Variants in STMN2 observed in about 807,000 individuals in gnomAD.
STMN2 encodes stathmin 2, also known as stathmin-2.
A neutral mutation model predicts 24.1 loss-of-function variants in STMN2; 2 were observed. The ratio of observed to expected loss-of-function variants is 0.08; its 90% confidence interval spans 0.03 to 0.26. The LOEUF (loss-of-function observed/expected upper bound fraction) is 0.26. Ranked by LOEUF, STMN2 falls within the 10% of genes least tolerant of loss-of-function variation. The pLI is 1.00. For missense variants in STMN2, 114 were observed against 213.6 expected (o/e 0.53, Z 2.91); for synonymous variants, 83 against 77.5 (o/e 1.07, Z -0.37).
intron 3 of STMN2, among the ~76,000 whole-genome samples, chr8:79,654,572 C>T (rs568680247): frequency 7.9e-5 from 12 of 152,246 alleles, no homozygotes; most frequent in African/African-American, 1.9e-4. Context: ...GTTGCATAAA[C>T]GCTTAGCAAC....
chr8:79,655,862 A>T (rs886168373), intron 4 of STMN2, among the ~76,000 whole-genome samples: 1 of 152,154 alleles, frequency 6.6e-6, no homozygotes. Flanking sequence ...TTTGAGAAAG[A>T]CGCCTCAATC....
intron 1 of STMN2, 88 bp downstream of exon 1, chr8:79,611,302 T>A: frequency 6.5e-7 from 1 of 1,546,546 alleles, no homozygotes; most frequent in Non-Finnish European, 8.9e-7. Context: ...TTCAGAGATA[T>A]TTTATAAAGA....
intron 1 of STMN2, among the ~76,000 whole-genome samples, chr8:79,635,987 T>C (rs1430105283): frequency 6.6e-6 from 1 of 151,566 alleles, no homozygotes; most frequent in Non-Finnish European, 1.5e-5. Flanking sequence ...GTGGCCAAGG[T>C]GGGTGGATTG....
At chr8:79,650,164 T>C (rs1340194283) in intron 3 of STMN2, among the ~76,000 whole-genome samples, 1 of 152,246 alleles carries the variant, frequency 6.6e-6, no homozygotes, top group Non-Finnish European at 1.5e-5. Flanking sequence ...TTTTCCCTTT[T>C]AATATTTTAG....
At chr8:79,622,665 A>G (rs959539223) in intron 1 of STMN2, among the ~76,000 whole-genome samples, 2 of 152,168 alleles carry the variant, frequency 1.3e-5, no homozygotes, top group South Asian at 2.1e-4. Flanking sequence ...ATGTTTCCCT[A>G]TCATATTTTA....
At chr8:79,628,225 G>A (rs962683643) in intron 1 of STMN2, among the ~76,000 whole-genome samples, 2 of 151,862 alleles carry the variant, frequency 1.3e-5, no homozygotes, top group African/African-American at 4.8e-5. Context: ...GTACAGTGGT[G>A]CCATCTAGGC....
At chr8:79,639,159 C>T (rs942307091) in intron 2 of STMN2, among the ~76,000 whole-genome samples, 3 of 152,086 alleles carry the variant, frequency 2.0e-5, no homozygotes, top group South Asian at 2.1e-4. Flanking sequence ...AGAACATTAA[C>T]GGGAACATAA....
At chr8:79,616,763 T>C (rs1407374118) in intron 1 of STMN2, among the ~76,000 whole-genome samples, 1 of 152,234 alleles carries the variant, frequency 6.6e-6, no homozygotes, top group Non-Finnish European at 1.5e-5. Context: ...CTGGGAATTA[T>C]GTGTTCTGCC....
chr8:79,624,410 T>C (rs1460047337), intron 1 of STMN2, among the ~76,000 whole-genome samples: 22 of 127,114 alleles, frequency 1.7e-4, no homozygotes, highest in Admixed American at 7.3e-4. Flanking sequence ...GCCGAGATTG[T>C]ACCACTGCAC....
At chr8:79,661,527 C>G (rs1341448718) in intron 4 of STMN2, among the ~76,000 whole-genome samples, 4 of 152,066 alleles carry the variant, frequency 2.6e-5, no homozygotes, top group Non-Finnish European at 5.9e-5. Context: ...CTGATGAACA[C>G]TTACTATTGA....
At chr8:79,620,154 T>C (rs548585417) in intron 1 of STMN2, among the ~76,000 whole-genome samples, 46 of 148,256 alleles carry the variant, frequency 3.1e-4, no homozygotes, top group African/African-American at 1.1e-3. Flanking sequence ...GGAACACAGG[T>C]CTAATATATA....
chr8:79,663,454 C>T (rs767383940), intron 4 of STMN2: 11 of 495,286 alleles, frequency 2.2e-5, no homozygotes, highest in African/African-American at 3.9e-5. Context: ...ACAGGTAAAA[C>T]GTGTACTGAT....
At chr8:79,645,930 A>G (rs184499826) in intron 3 of STMN2, among the ~76,000 whole-genome samples, 1 of 152,348 alleles carries the variant, frequency 6.6e-6, no homozygotes, top group East Asian at 1.9e-4. Context: ...CTACTAGATT[A>G]TAAACTCCAT....
At chr8:79,651,693 T>G (rs1241477038) in intron 3 of STMN2, among the ~76,000 whole-genome samples, 2 of 152,176 alleles carry the variant, frequency 1.3e-5, no homozygotes, top group Non-Finnish European at 2.9e-5. Context: ...CATCTGAAAA[T>G]GAAACATTAG....
At chr8:79,649,124 G>A (rs1810280758) in intron 3 of STMN2, among the ~76,000 whole-genome samples, 1 of 152,156 alleles carries the variant, frequency 6.6e-6, no homozygotes, top group East Asian at 1.9e-4. Context: ...CCATTTGTTG[G>A]CATCTCACAT....
intron 3 of STMN2, among the ~76,000 whole-genome samples, chr8:79,653,665 T>C (rs918450350): frequency 2.0e-5 from 3 of 152,234 alleles, no homozygotes; most frequent in Admixed American, 6.5e-5. Context: ...AACTAAAATG[T>C]TTTCCCACTA....
intron 4 of STMN2, among the ~76,000 whole-genome samples, chr8:79,656,584 C>T (rs979910502): frequency 1.3e-5 from 2 of 152,158 alleles, no homozygotes; most frequent in African/African-American, 4.8e-5. Flanking sequence ...CCTCCATCTG[C>T]CACCACTTTG....
intron 1 of STMN2, among the ~76,000 whole-genome samples, chr8:79,614,704 G>A (rs886998938): frequency 6.6e-6 from 1 of 151,166 alleles, no homozygotes; most frequent in Admixed American, 6.6e-5. Flanking sequence ...ATTCACAATG[G>A]TTTTTTTTTA....
intron 1 of STMN2, among the ~76,000 whole-genome samples, chr8:79,629,680 C>T (rs1469941383): frequency 6.6e-6 from 1 of 152,146 alleles, no homozygotes; most frequent in African/African-American, 2.4e-5. Context: ...CTGAAATAGT[C>T]ATCTCCCATT....
Sources: allele counts gnomAD v4.1 joint callset (sites outside exome capture counted in the v4.1 genomes callset), GRCh38; gene constraint gnomAD v4.1.1; transcripts MANE v1.5; gene names NCBI Gene and HGNC (gene_info 2026-07-23, HGNC 2026-07-21).